TAFA1: variants seen among roughly 807,000 people sequenced by gnomAD.
TAFA1 encodes TAFA chemokine like family member 1.
In TAFA1, 4 loss-of-function variants were observed where a neutral mutation model predicts 18.5. The observed-to-expected ratio is 0.22, with a 90% CI of 0.11 to 0.49. TAFA1 has a LOEUF of 0.49. TAFA1 is among the 20% of genes least tolerant of loss of function. The probability of loss-of-function intolerance (pLI) is 0.98; values close to 1 mark genes in which losing one functional copy is unlikely to be tolerated. For synonymous variants in TAFA1, 56 were observed against 55.2 expected (o/e 1.01, Z -0.06); for missense variants, 147 against 169.0 (o/e 0.87, Z 0.72).
chr3:68,043,307 G>T (rs1364416887), intron 2 of TAFA1, among the ~76,000 whole-genome samples: 1 of 152,142 alleles, frequency 6.6e-6, no homozygotes, highest in African/African-American at 2.4e-5. Flanking sequence ...GTAGAAAGTG[G>T]TGATACTGGA....
chr3:68,487,604 T>A (rs2072368708), intron 3 of TAFA1, among the ~76,000 whole-genome samples: 1 of 151,608 alleles, frequency 6.6e-6, no homozygotes. Flanking sequence ...AAAAAAAAAT[T>A]AGCTGGGCGT....
Position 68,544,509 on chromosome 3 carries a change from G to C in TAFA1, c.*6G>C, listed in dbSNP as rs139431393. ...AGATTCACCCAAGAACCTAACAGAAGCATTTGTGGTAGTAAAGGAAAACCA... is the reference window on the plus strand; with the variant it reads ...AGATTCACCCAAGAACCTAACAGAACCATTTGTGGTAGTAAAGGAAAACCA... On this transcript the variant is annotated 3_prime_UTR_variant, in exon 5 of 5. Transcript: ENST00000478136. The C allele has an allele frequency of 4.3e-3, 6,872 of 1,612,322 alleles. 22 individuals are homozygous for C. Among genetic ancestry groups the C allele is most frequent in the Admixed American group, 5.8e-3 (345 of 59,842 alleles).
At chr3:68,436,018 A>G (rs905550744) in intron 3 of TAFA1, among the ~76,000 whole-genome samples, 1 of 152,182 alleles carries the variant, frequency 6.6e-6, no homozygotes, top group African/African-American at 2.4e-5. Context: ...TAAAAGCTCC[A>G]TGAGGGATAC....
intron 2 of TAFA1, among the ~76,000 whole-genome samples, chr3:68,024,805 G>GCACACACACACACACACACACA (rs3037727): frequency 5.2e-4 from 38 of 73,644 alleles, no homozygotes; most frequent in Middle Eastern, 0.013. Flanking sequence ...TCTCCTTAAT[G>GCACACACACACACACACACACA]CACACACACA....
At chr3:68,291,804 T>A (rs961128803) in intron 2 of TAFA1, among the ~76,000 whole-genome samples, 6 of 152,156 alleles carry the variant, frequency 3.9e-5, no homozygotes, top group Non-Finnish European at 8.8e-5. Context: ...CCCTTCCAAA[T>A]AAATGCATGC....
intron 2 of TAFA1, among the ~76,000 whole-genome samples, chr3:68,283,255 G>C (rs1297297868): frequency 1.3e-5 from 2 of 152,088 alleles, no homozygotes; most frequent in African/African-American, 4.8e-5. Context: ...AAATGCAAAG[G>C]GGGCAAGAGC....
At chr3:68,086,215 C>A (rs183606748) in intron 2 of TAFA1, among the ~76,000 whole-genome samples, 5 of 152,312 alleles carry the variant, frequency 3.3e-5, no homozygotes, top group Non-Finnish European at 7.4e-5. Flanking sequence ...AGACTAGGGT[C>A]ACAGACACTT....
At chr3:68,263,402 T>C (rs561443961) in intron 2 of TAFA1, among the ~76,000 whole-genome samples, 84 of 151,250 alleles carry the variant, frequency 5.6e-4, no homozygotes, top group African/African-American at 1.8e-3. Flanking sequence ...AAAATTTGAC[T>C]ATAATCCCTC....
At chr3:68,272,552 C>T (rs889652827) in intron 2 of TAFA1, among the ~76,000 whole-genome samples, 4 of 152,052 alleles carry the variant, frequency 2.6e-5, no homozygotes, top group Non-Finnish European at 5.9e-5. Flanking sequence ...TTAGGGAAAA[C>T]AGCACTTTTA....
rs1178876848 is a variant in TAFA1, at chr3:68,120,171, C to CTTTCTTTCTTTCTT, written c.118+113428_118+113429insTTCTTTCTTTCTTT. Among the ~76,000 whole-genome samples the CTTTCTTTCTTTCTT allele has an allele frequency of 5.6e-4, 47 of 84,488 alleles. 3 individuals carry two copies. The highest frequency in any genetic ancestry group is 1.9e-3 in the African/African-American group (42 of 22,298). 55.4% of individuals were successfully genotyped at this position (84,488 alleles called of 152,430 possible). ...TTTCTTTCTTTCTTTCTCTTTCTTTCTCTTTCTTTCTTTCTTTCTTTCTTT... is the reference window on the plus strand; with the variant it reads ...TTTCTTTCTTTCTTTCTCTTTCTTTCTTTCTTTCTTTCTTTCTTTCTTTCTTTCTTTCTTTCTTT... On this transcript the variant is annotated intron_variant, in intron 2 of 4. Transcript: ENST00000478136.
At chr3:68,207,409 CAGTAG>C (rs773164007) in intron 2 of TAFA1, among the ~76,000 whole-genome samples, 1 of 151,854 alleles carries the variant, frequency 6.6e-6, no homozygotes, top group Non-Finnish European at 1.5e-5. Context: ...GTTACCTGTG[CAGTAG>C]AGTATTGTCT....
At chr3:68,113,575 T>C (rs927905736) in intron 2 of TAFA1, among the ~76,000 whole-genome samples, 1 of 152,230 alleles carries the variant, frequency 6.6e-6, no homozygotes, top group Non-Finnish European at 1.5e-5. Flanking sequence ...AAAACCTGTC[T>C]TCATTAAATG....
At chr3:68,515,361 G>T (rs1185628613) in intron 3 of TAFA1, among the ~76,000 whole-genome samples, 1 of 152,160 alleles carries the variant, frequency 6.6e-6, no homozygotes, top group Non-Finnish European at 1.5e-5. Flanking sequence ...TCAAGGAGAG[G>T]CATAGCTATT....
chr3:68,526,965 T>C (rs1223186424), intron 3 of TAFA1, among the ~76,000 whole-genome samples: 1 of 152,158 alleles, frequency 6.6e-6, no homozygotes, highest in African/African-American at 2.4e-5. Flanking sequence ...AACTTTAGGG[T>C]CACTCTTAAA....
intron 2 of TAFA1, among the ~76,000 whole-genome samples, chr3:68,120,449 A>T (rs1162088250): frequency 6.6e-6 from 1 of 151,990 alleles, no homozygotes; most frequent in Non-Finnish European, 1.5e-5. Context: ...GAGTTTTGCC[A>T]TGTTGGCCAG....
At chr3:68,113,110 A>T (rs2065280046) in intron 2 of TAFA1, among the ~76,000 whole-genome samples, 1 of 152,192 alleles carries the variant, frequency 6.6e-6, no homozygotes, top group African/African-American at 2.4e-5. Context: ...ATTAATCAAG[A>T]CACTCTTGAA....
chr3:68,331,856 C>CTTTTTTTTTTTTTTTTTTTTT (rs60291932), intron 2 of TAFA1, among the ~76,000 whole-genome samples: 1 of 76,198 alleles, frequency 1.3e-5, no homozygotes, highest in Non-Finnish European at 2.3e-5. Flanking sequence ...CTTTTCTTTT[C>CTTTTTTTTTTTTTTTTTTTTT]TTTTTTTTTT....
chr3:68,385,674 T>C (rs2070084231), intron 2 of TAFA1, among the ~76,000 whole-genome samples: 1 of 152,104 alleles, frequency 6.6e-6, no homozygotes, highest in Non-Finnish European at 1.5e-5. Flanking sequence ...GTTAAACATA[T>C]CTAGAAGCCA....
intron 2 of TAFA1, among the ~76,000 whole-genome samples, chr3:68,074,413 C>T (rs923028683): frequency 1.3e-5 from 2 of 152,170 alleles, no homozygotes; most frequent in African/African-American, 4.8e-5. Context: ...GACTCTGATG[C>T]TCAAGTTCAA....
Sources: gnomAD v4.1 joint callset for allele counts (sites outside exome capture counted in the v4.1 genomes callset) on GRCh38, gnomAD v4.1.1 for gene constraint, MANE v1.5 for transcripts, NCBI Gene and HGNC (gene_info 2026-07-23, HGNC 2026-07-21) for gene names.